Variants in KIF7 observed in about 807,000 individuals in gnomAD.
KIF7 encodes kinesin family member 7.
Under a neutral mutation model 135.7 loss-of-function variants are expected in KIF7, and 104 were observed. That is an observed-to-expected ratio of 0.77 (90% CI 0.65 to 0.90). The LOEUF is 0.90. Among genes scored for constraint, KIF7 ranks in the 40% least tolerant of loss-of-function variants. The pLI, the probability that KIF7 is intolerant of heterozygous loss-of-function variation, is 0.00. For missense variants in KIF7, 2,005 were observed against 1,839.1 expected (o/e 1.09, Z -1.65); for synonymous variants, 883 against 809.4 (o/e 1.09, Z -1.54).
intron 1 of KIF7, among the ~76,000 whole-genome samples, chr15:89,653,433 C>T (rs1308139617): frequency 6.6e-6 from 1 of 152,190 alleles, no homozygotes; most frequent in Non-Finnish European, 1.5e-5. Flanking sequence ...ATTCCATCTC[C>T]TAAATATCTC....
chr15:89,635,157 C>G (rs536140721), intron 11 of KIF7, among the ~76,000 whole-genome samples: 1 of 151,918 alleles, frequency 6.6e-6, no homozygotes, highest in South Asian at 2.1e-4. Flanking sequence ...AAAGGACATC[C>G]ACACCAAAAA....
At chr15:89,633,908 G>T in intron 11 of KIF7, 25 bp from the exon 12 acceptor site, 1 of 1,612,640 alleles carries the variant, frequency 6.2e-7, no homozygotes, top group Non-Finnish European at 8.5e-7. Flanking sequence ...GTCTTCACTG[G>T]GCCATGCACG....
At position 89,619,994 on chromosome 15, in the gene KIF7, G is replaced by A; in HGVS notation, c.181-1799C>T. On this transcript the variant is annotated intron_variant and NMD_transcript_variant, in intron 1 of 2. Transcript: ENST00000558928. ...TTGAGGTTCAGGGTGATGGCTAGATGGACAGTCCATGACTTTGTAATCAGT... is the reference window on the plus strand; with the variant it reads ...TTGAGGTTCAGGGTGATGGCTAGATAGACAGTCCATGACTTTGTAATCAGT... The A allele has an allele frequency of 3.4e-6, 3 of 894,524 alleles. No individual in the cohort carries two copies. In the South Asian group the frequency reaches 5.5e-5, roughly 16 times the overall value. The allele number at this position is 894,524 out of a possible 1,614,324, so 55.4% of individuals were successfully genotyped here.
chr15:89,633,783 C>T lies in KIF7; in HGVS notation c.2495G>A (p.Arg832Gln), dbSNP rs371841682. Residue 832 changes from arginine (R) to glutamine (Q), a missense_variant, in exon 12 of 19, where the codon CGG (arginine) becomes CAG (glutamine). Transcript: ENST00000394412. ...QELERNVQLM[R>Q]QQQGQLQRRL... is the part of the protein sequence containing the mutation. ...CCTCTGCAGCTGTCCCTGCTGCTGC[C>T]GCATGAGCTGCACGTTCCGCTCGAG... The T allele has an allele frequency of 1.4e-5, 23 of 1,611,696 alleles. No individual in the cohort carries two copies. Among genetic ancestry groups the T allele is most frequent in the East Asian group, 2.2e-5 (1 of 44,888 alleles).
At chr15:89,621,013 G>A (rs1200551597) in intron 1 of KIF7, among the ~76,000 whole-genome samples, 2 of 149,182 alleles carry the variant, frequency 1.3e-5, no homozygotes, top group Admixed American at 6.7e-5. Flanking sequence ...GAGCCACTGC[G>A]CCCGGCCTTG....
chr15:89,633,710 C>A lies in KIF7; in HGVS notation c.2568G>T (p.Met856Ile). 1 of 1,608,010 alleles carries A rather than the reference C, an allele frequency of 6.2e-7. No homozygotes were observed. Residue 856 changes from methionine to isoleucine, a missense_variant, in exon 12 of 19, where the codon ATG becomes ATT. Met to Ile is a conservative substitution (Grantham distance 10). Transcript: ENST00000394412. Reference protein sequence around the residue: ...TEQKRRLEAEMSKRQHRVKEL... With the variant: ...TEQKRRLEAEISKRQHRVKEL... ...CCTTGACGCGGTGCTGCCGCTTGCTCATTTCTGCCTCCAGGCGCCGCTTCT... is the reference window on the plus strand; with the variant it reads ...CCTTGACGCGGTGCTGCCGCTTGCTAATTTCTGCCTCCAGGCGCCGCTTCT...
chr15:89,649,699 C>G, intron 3 of KIF7, 42 bp downstream of exon 3: 1 of 1,542,258 alleles, frequency 6.5e-7, no homozygotes, highest in Non-Finnish European at 8.8e-7. Flanking sequence ...TGAAGCCCCC[C>G]TAAGCCCCTC....
chr15:89,623,548 T>C, downstream of KIF7: 1 of 1,434,556 alleles, frequency 7.0e-7, no homozygotes, highest in Non-Finnish European at 9.4e-7. Context: ...CCATTTGGTC[T>C]TAGAGATTAC....
the KIF7 span, among the ~76,000 whole-genome samples, chr15:89,662,246 C>T: frequency 1.6e-3 from 250 of 152,078 alleles, 10 homozygotes; most frequent in East Asian, 0.043. Flanking sequence ...CCTGTAATCC[C>T]AGCACTTTGG....
rs925661009 is a variant in KIF7 at position 89,633,976 on chromosome 15, G to A, written c.2395-93C>T. The A allele has an allele frequency of 3.7e-6, 5 of 1,356,134 alleles. No homozygotes were observed. In the East Asian group the frequency reaches 9.2e-5, roughly 25 times the overall value. 84.0% of individuals were successfully genotyped at this position (1,356,134 alleles called of 1,614,324 possible). A position where few individuals can be genotyped will look rare whatever the true frequency, so the allele number is the denominator to read the frequency against. On this transcript the variant is annotated intron_variant, in intron 11 of 18. Coordinates refer to ENST00000394412, the MANE Select transcript of KIF7 (RefSeq NM_198525.3). Reference sequence around the variant, plus strand: ...CTCAACAAGGGCAGGCAGATAGAGGGCAAATGGGTAGGTGGGTGATAGACC... The same window carrying A: ...CTCAACAAGGGCAGGCAGATAGAGGACAAATGGGTAGGTGGGTGATAGACC...
Position 89,632,829 on chromosome 15 carries a change from T to A in KIF7, c.2886A>T (p.Arg962Ser). Residue 962 changes from arginine (R) to serine (S), a missense_variant, in exon 14 of 19, where the codon AGA becomes AGT. By Grantham distance (110) the Arg-to-Ser change is moderately radical. Coordinates refer to ENST00000394412, the MANE Select transcript of KIF7 (RefSeq NM_198525.3). The stretch of plus-strand genomic sequence containing the variant: ...CCTGGCAGGGCCTCACCTGGCTGGA[T>A]CTCAGGCGCTTGCTCTCCAGCCCCG... Reference protein sequence around the residue: ...EKTGLESKRLRSSQALNEDIV... With the variant: ...EKTGLESKRLSSSQALNEDIV... 6.2e-7 allele frequency: 1 copy of A among 1,605,710 alleles called. No homozygotes were observed. Among genetic ancestry groups the A allele is most frequent in the Non-Finnish European group, 8.5e-7 (1 of 1,179,486 alleles).
Position 89,640,491 on chromosome 15 carries a change from G to GAC in KIF7, c.2394+1710_2394+1711dup, listed in dbSNP as rs200615357. Among the ~76,000 whole-genome samples the GAC allele has an allele frequency of 4.9e-3, 741 of 152,176 alleles. 11 individuals carry two copies. The highest frequency in any genetic ancestry group is 0.017 in the African/African-American group (708 of 41,530). ...AGAGAGGTTAGGAAACTTGACCAAC[G>GAC]ACACATAGCTAGTAAGTGGTAGAAC... On this transcript the variant is annotated intron_variant, in intron 11 of 18. Transcript: ENST00000394412.
intron 1 of KIF7, chr15:89,621,352 T>C (rs769042145): frequency 6.3e-7 from 1 of 1,575,494 alleles, no homozygotes; most frequent in East Asian, 2.2e-5. Flanking sequence ...AGAACAGGAA[T>C]TGAGAAAGAA....
chr15:89,662,078 A>T, the KIF7 span, among the ~76,000 whole-genome samples: 3 of 152,182 alleles, frequency 2.0e-5, no homozygotes, highest in Non-Finnish European at 4.4e-5. Context: ...ATAAATTTTG[A>T]TTAAGTGTGA....
chr15:89,633,642 C>G (rs1016154675), intron 12 of KIF7, 44 bp downstream of exon 12: 1 of 1,593,396 alleles, frequency 6.3e-7, no homozygotes, highest in Non-Finnish European at 8.5e-7. Context: ...CCAGCTCAGC[C>G]TATTGGCCTG....
At chr15:89,634,000 C>G in intron 11 of KIF7, 117 bp from the exon 12 acceptor site, 2 of 1,070,144 alleles carry the variant, frequency 1.9e-6, no homozygotes, top group Non-Finnish European at 2.8e-6. Context: ...GGGTGATAGA[C>G]CAATAATAAT....
At chr15:89,624,963 A>G (rs1963491683), downstream of KIF7, 2 of 1,614,116 alleles carry the variant, frequency 1.2e-6, no homozygotes, top group Non-Finnish European at 1.7e-6. Context: ...GGCATTCCAC[A>G]GACTCTGCCA....
At chr15:89,644,298 C>T (rs1261163304) in intron 10 of KIF7, among the ~76,000 whole-genome samples, 1 of 152,178 alleles carries the variant, frequency 6.6e-6, no homozygotes, top group Non-Finnish European at 1.5e-5. Context: ...ACGCTCAGTC[C>T]TCCATGACAC....
At chr15:89,628,889 GC>G in intron 18 of KIF7, 86 bp downstream of exon 18, 1 of 1,611,016 alleles carries the variant, frequency 6.2e-7, no homozygotes, top group Non-Finnish European at 8.5e-7. Context: ...TGTGAATTGA[GC>G]CAATAAAGGC....
Sources: gnomAD v4.1 joint callset for allele counts (sites outside exome capture counted in the v4.1 genomes callset) on GRCh38, gnomAD v4.1.1 for gene constraint, MANE v1.5 for transcripts, NCBI Gene and HGNC (gene_info 2026-07-23, HGNC 2026-07-21) for gene names.